MSRB3: variants seen among roughly 807,000 people sequenced by gnomAD.
The protein encoded by MSRB3 is methionine-R-sulfoxide reductase B3.
A neutral mutation model predicts 21.0 loss-of-function variants in MSRB3; 13 were observed. That is an observed-to-expected ratio of 0.62 (90% CI 0.40 to 0.98). MSRB3 has a LOEUF of 0.98. MSRB3 is among the 50% of genes least tolerant of loss of function. MSRB3 has a pLI of 0.00. For missense variants in MSRB3, 199 were observed against 230.3 expected (o/e 0.86, Z 0.88); for synonymous variants, 87 against 88.6 (o/e 0.98, Z 0.10).
At chr12:65,416,515 G>T (rs1476175221) in intron 5 of MSRB3, among the ~76,000 whole-genome samples, 2 of 152,316 alleles carry the variant, frequency 1.3e-5, no homozygotes, top group Middle Eastern at 6.8e-3. Context: ...AGATGGGATA[G>T]CCTACTACAC....
intron 5 of MSRB3, among the ~76,000 whole-genome samples, chr12:65,388,125 A>G (rs1879285767): frequency 2.0e-5 from 3 of 152,218 alleles, no homozygotes; most frequent in South Asian, 4.1e-4. Context: ...ATTAGTTCAC[A>G]TATTTAACAA....
At chr12:65,288,478 A>G (rs1872513756) in intron 1 of MSRB3, among the ~76,000 whole-genome samples, 2 of 152,226 alleles carry the variant, frequency 1.3e-5, no homozygotes, top group South Asian at 4.1e-4. Context: ...GTTACACTGC[A>G]TCTAAGATCT....
At chr12:65,318,142 C>T (rs1484265433) in intron 2 of MSRB3, among the ~76,000 whole-genome samples, 1 of 151,782 alleles carries the variant, frequency 6.6e-6, no homozygotes, top group Non-Finnish European at 1.5e-5. Context: ...TATATAGATT[C>T]AGATTTAGCT....
chr12:65,341,198 A>G (rs1876116789), intron 4 of MSRB3, among the ~76,000 whole-genome samples: 1 of 152,142 alleles, frequency 6.6e-6, no homozygotes. Context: ...AATGTGATAC[A>G]TATACACAAT....
chr12:65,421,042 A>G (rs1189902011), intron 5 of MSRB3, among the ~76,000 whole-genome samples: 2 of 152,212 alleles, frequency 1.3e-5, no homozygotes, highest in Non-Finnish European at 2.9e-5. Flanking sequence ...GCATTGCCAC[A>G]CTGCTTTCCA....
intron 5 of MSRB3, among the ~76,000 whole-genome samples, chr12:65,372,554 T>G (rs1307836242): frequency 6.6e-6 from 1 of 152,212 alleles, no homozygotes; most frequent in Non-Finnish European, 1.5e-5. Context: ...TGTGTGGAGT[T>G]GGTGATTTTA....
chr12:65,416,341 G>A (rs1355597075), intron 5 of MSRB3, among the ~76,000 whole-genome samples: 1 of 152,186 alleles, frequency 6.6e-6, no homozygotes, highest in Non-Finnish European at 1.5e-5. Context: ...TCTAAACAGA[G>A]TCCTGGAATT....
At chr12:65,417,323 G>T (rs927849571) in intron 5 of MSRB3, among the ~76,000 whole-genome samples, 1 of 152,022 alleles carries the variant, frequency 6.6e-6, no homozygotes, top group African/African-American at 2.4e-5. Flanking sequence ...TTAATAAGAA[G>T]ATAATAGATT....
At chr12:65,329,866 A>T (rs1875297358) in intron 4 of MSRB3, among the ~76,000 whole-genome samples, 1 of 152,130 alleles carries the variant, frequency 6.6e-6, no homozygotes, top group Non-Finnish European at 1.5e-5. Context: ...CATTGCACAA[A>T]CCTTATTGAA....
Position 65,418,388 on chromosome 12 carries a change from T to C in MSRB3, c.293-35340T>C, listed in dbSNP as rs1223293634. ...TGACTTGTTGGAGTTCCTTATGTTA[T>C]GTTTCGTATATTACACTCTTATCAG... On this transcript the variant is annotated intron_variant, in intron 5 of 6. Coordinates refer to ENST00000308259, the MANE Select transcript of MSRB3 (RefSeq NM_001031679.3). 3.3e-5 allele frequency among the ~76,000 whole-genome samples: 5 copies of C among 152,236 alleles called. No individual in the cohort carries two copies. The East Asian group carries it at 9.6e-4, about 29-fold the overall frequency.
intron 5 of MSRB3, among the ~76,000 whole-genome samples, chr12:65,445,676 C>G (rs1006619309): frequency 8.4e-5 from 12 of 142,530 alleles, no homozygotes; most frequent in South Asian, 4.4e-4. Flanking sequence ...GACAGAGTCT[C>G]ACTCTGTCGC....
At chr12:65,383,508 G>A (rs976091949) in intron 5 of MSRB3, among the ~76,000 whole-genome samples, 1 of 151,814 alleles carries the variant, frequency 6.6e-6, no homozygotes, top group African/African-American at 2.4e-5. Context: ...CTTTAATTAT[G>A]CCATTAATTT....
At chr12:65,405,134 G>A (rs915639796) in intron 5 of MSRB3, among the ~76,000 whole-genome samples, 5 of 151,600 alleles carry the variant, frequency 3.3e-5, no homozygotes, top group African/African-American at 1.2e-4. Context: ...TGTATTTTTC[G>A]TAGAGATGGG....
intron 5 of MSRB3, chr12:65,418,656 T>C (rs1290637320): frequency 6.4e-6 from 4 of 626,964 alleles, no homozygotes; most frequent in Admixed American, 2.8e-5. Context: ...TTTGAGTTTT[T>C]TTTTTTTAAC....
intron 4 of MSRB3, among the ~76,000 whole-genome samples, chr12:65,334,703 C>T (rs2136462277): frequency 6.6e-6 from 1 of 152,318 alleles, no homozygotes; most frequent in East Asian, 1.9e-4. Flanking sequence ...AGGTTATTAT[C>T]TGTCCTTAGG....
chr12:65,377,769 T>C (rs918549752), intron 5 of MSRB3, among the ~76,000 whole-genome samples: 7 of 152,220 alleles, frequency 4.6e-5, no homozygotes, highest in African/African-American at 1.7e-4. Context: ...GGGCCAGAGT[T>C]GACAATTTCC....
intron 6 of MSRB3, among the ~76,000 whole-genome samples, chr12:65,460,462 CA>C (rs1883276110): frequency 1.3e-5 from 2 of 152,336 alleles, no homozygotes; most frequent in East Asian, 3.9e-4. Flanking sequence ...TTCCCTCAGA[CA>C]AATGGCTTTG....
intron 4 of MSRB3, among the ~76,000 whole-genome samples, chr12:65,348,208 C>G (rs1427915345): frequency 1.3e-5 from 2 of 152,064 alleles, no homozygotes; most frequent in East Asian, 3.9e-4. Flanking sequence ...GTGAATCCCT[C>G]TGGTCCTGGA....
chr12:65,386,701 G>GAGT (rs1473427353), intron 5 of MSRB3, among the ~76,000 whole-genome samples: 4 of 151,520 alleles, frequency 2.6e-5, no homozygotes, highest in Non-Finnish European at 5.9e-5. Flanking sequence ...TTTTCTTTAA[G>GAGT]AGTAGTATTT....
Sources: gnomAD v4.1 joint callset for allele counts (sites outside exome capture counted in the v4.1 genomes callset) on GRCh38, gnomAD v4.1.1 for gene constraint, MANE v1.5 for transcripts, NCBI Gene and HGNC (gene_info 2026-07-23, HGNC 2026-07-21) for gene names.